Variants in CHRM3 observed in about 807,000 individuals in gnomAD.
CHRM3 encodes cholinergic receptor muscarinic 3, also known as muscarinic acetylcholine receptor M3.
In CHRM3, 11 loss-of-function variants were observed where a neutral mutation model predicts 41.8. That is an observed-to-expected ratio of 0.26 (90% CI 0.17 to 0.44). The LOEUF (loss-of-function observed/expected upper bound fraction) is 0.44, where lower values mean the gene tolerates loss of function less well. Ranked by LOEUF, CHRM3 falls within the 20% of genes least tolerant of loss-of-function variation. The probability of loss-of-function intolerance (pLI) is 1.00; values close to 1 mark genes in which losing one functional copy is unlikely to be tolerated. For missense variants in CHRM3, 571 were observed against 745.4 expected (o/e 0.77, Z 2.72); for synonymous variants, 297 against 301.4 (o/e 0.99, Z 0.15).
At chr1:239,513,860 G>C (rs1335874721) in intron 2 of CHRM3, among the ~76,000 whole-genome samples, 1 of 151,950 alleles carries the variant, frequency 6.6e-6, no homozygotes, top group Non-Finnish European at 1.5e-5. Flanking sequence ...TGGATGTCTG[G>C]TTGTCCCAGC....
chr1:239,642,449 G>A (rs1242509510), intron 4 of CHRM3, among the ~76,000 whole-genome samples: 1 of 152,072 alleles, frequency 6.6e-6, no homozygotes, highest in Non-Finnish European at 1.5e-5. Flanking sequence ...ATATTTCTTG[G>A]AGGCTTTGTT....
chr1:239,690,476 G>A (rs1473891496), intron 5 of CHRM3, among the ~76,000 whole-genome samples: 3 of 151,850 alleles, frequency 2.0e-5, no homozygotes, highest in Admixed American at 2.0e-4. Context: ...TGATCAGCCC[G>A]CCATAGCCTC....
At chr1:239,637,966 C>G (rs191365183) in intron 4 of CHRM3, among the ~76,000 whole-genome samples, 1 of 136,860 alleles carries the variant, frequency 7.3e-6, no homozygotes, top group African/African-American at 2.7e-5. Context: ...CCTGTGTCCA[C>G]GTGTTCTCAT....
intron 3 of CHRM3, among the ~76,000 whole-genome samples, chr1:239,565,540 ATTAATTT>A (rs1346236645): frequency 2.6e-5 from 4 of 152,196 alleles, no homozygotes. Context: ...AAACGTAGGA[ATTAATTT>A]TTAAATGTTT....
At chr1:239,708,149 G>A (rs139521272) in intron 5 of CHRM3, among the ~76,000 whole-genome samples, 5 of 152,338 alleles carry the variant, frequency 3.3e-5, no homozygotes, top group Admixed American at 6.5e-5. Flanking sequence ...TAAACCATGT[G>A]TATGTGATCT....
At chr1:239,759,171 T>TGG (rs1558518487) in intron 5 of CHRM3, among the ~76,000 whole-genome samples, 22 of 126,450 alleles carry the variant, frequency 1.7e-4, no homozygotes, top group African/African-American at 6.9e-4. Flanking sequence ...TTTTTTTTGT[T>TGG]TTTTTTTTTT....
intron 1 of CHRM3, among the ~76,000 whole-genome samples, chr1:239,435,203 G>A (rs1558221631): frequency 1.3e-5 from 2 of 151,900 alleles, no homozygotes; most frequent in African/African-American, 2.4e-5. Context: ...TGTAATCCCA[G>A]CACTTCGGGA....
At chr1:239,870,414 A>T (rs1185901421) in intron 6 of CHRM3, among the ~76,000 whole-genome samples, 1 of 152,156 alleles carries the variant, frequency 6.6e-6, no homozygotes, top group Non-Finnish European at 1.5e-5. Context: ...TACGATAAGG[A>T]TTAATGTTTG....
intron 5 of CHRM3, among the ~76,000 whole-genome samples, chr1:239,764,610 A>T (rs1667054568): frequency 1.3e-5 from 2 of 152,236 alleles, no homozygotes; most frequent in African/African-American, 4.8e-5. Flanking sequence ...GAATCACTTT[A>T]TCTCCTTTCC....
chr1:239,449,803 G>A (rs1389219411), intron 1 of CHRM3, among the ~76,000 whole-genome samples: 2 of 151,784 alleles, frequency 1.3e-5, no homozygotes, highest in Non-Finnish European at 2.9e-5. Flanking sequence ...GTATCATAGA[G>A]GCAGTGTAAC....
At chr1:239,576,621 C>CACAACA (rs1553331632) in intron 3 of CHRM3, among the ~76,000 whole-genome samples, 1 of 147,558 alleles carries the variant, frequency 6.8e-6, no homozygotes, top group Non-Finnish European at 1.5e-5. Context: ...CACACACACA[C>CACAACA]AACAAACAAA....
chr1:239,807,815 T>TGC (rs201227604), intron 5 of CHRM3, among the ~76,000 whole-genome samples: 3 of 133,048 alleles, frequency 2.3e-5, no homozygotes, highest in African/African-American at 3.5e-5. Flanking sequence ...GTTTTTGCTT[T>TGC]GCGCACACAC....
intron 5 of CHRM3, among the ~76,000 whole-genome samples, chr1:239,814,558 A>T (rs1345665981): frequency 2.6e-5 from 4 of 152,066 alleles, no homozygotes; most frequent in Non-Finnish European, 4.4e-5. Context: ...CACCTTTATC[A>T]TTCAAGATGC....
At chr1:239,762,270 A>C (rs971869656) in intron 5 of CHRM3, among the ~76,000 whole-genome samples, 3 of 152,084 alleles carry the variant, frequency 2.0e-5, no homozygotes, top group African/African-American at 4.8e-5. Context: ...ATTGATTGTG[A>C]CTTCATCTGC....
rs115118083 is a variant in CHRM3, at chr1:239,865,042, C to T, written c.-20+37664C>T. Among the ~76,000 whole-genome samples the T allele has an allele frequency of 6.2e-3, 949 of 152,248 alleles. 4 individuals are homozygous for T. The highest frequency in any genetic ancestry group is 9.9e-3 in the Non-Finnish European group (673 of 68,022). ...TGTACAGAATGAAGGCTGTACCTCG[C>T]GGCATTGTATGTAATAGTAGAAAAT... On this transcript the variant is annotated intron_variant, in intron 6 of 6. Transcript: ENST00000676153.
chr1:239,639,204 T>C (rs1228997911), intron 4 of CHRM3, among the ~76,000 whole-genome samples: 1 of 152,176 alleles, frequency 6.6e-6, no homozygotes, highest in Non-Finnish European at 1.5e-5. Flanking sequence ...GTATGATGCC[T>C]CCAGCTTTGT....
chr1:239,487,097 AT>A (rs1465040821), intron 1 of CHRM3, among the ~76,000 whole-genome samples: 1 of 152,164 alleles, frequency 6.6e-6, no homozygotes, highest in African/African-American at 2.4e-5. Context: ...TTCCACTTGC[AT>A]ATGAAACTCG....
At chr1:239,433,417 TGTTA>T (rs1168432517) in intron 1 of CHRM3, among the ~76,000 whole-genome samples, 2 of 152,194 alleles carry the variant, frequency 1.3e-5, no homozygotes, top group East Asian at 3.8e-4. Context: ...ATCTCTATTG[TGTTA>T]GTTTAGGCTC....
chr1:239,596,114 T>G (rs1015977020), intron 3 of CHRM3, among the ~76,000 whole-genome samples: 3 of 152,234 alleles, frequency 2.0e-5, no homozygotes, highest in African/African-American at 7.2e-5. Context: ...ATTAAAACAT[T>G]TGAGGTCTCA....
Sources: allele counts gnomAD v4.1 joint callset (sites outside exome capture counted in the v4.1 genomes callset), GRCh38; gene constraint gnomAD v4.1.1; transcripts MANE v1.5; gene names NCBI Gene and HGNC (gene_info 2026-07-23, HGNC 2026-07-21).